CES5A: variants seen among roughly 807,000 people sequenced by gnomAD.
The protein encoded by CES5A is carboxylesterase 5A, also known as carboxylesterase 5.
CES5A carries 67 observed loss-of-function variants against 62.9 expected under a neutral mutation model. The observed-to-expected ratio is 1.07, with a 90% CI of 0.88 to 1.31. The LOEUF (loss-of-function observed/expected upper bound fraction) is 1.31. CES5A is among the 50% of genes most tolerant of loss of function. CES5A has a pLI of 0.00. For synonymous variants in CES5A, 296 were observed against 280.8 expected, an observed-to-expected ratio of 1.05 and a Z score of -0.54; for missense variants, 748 against 708.5, an observed-to-expected ratio of 1.06 and a Z score of -0.63.
chr16:55,943,899 T>G, intron 2 of CES5A: 1 of 610,826 alleles, frequency 1.6e-6, no homozygotes, highest in South Asian at 1.9e-5. Context: ...AAGCTTTAAC[T>G]GAGTATCCAG....
chr16:55,939,199 T>C (rs2034420776), intron 2 of CES5A, among the ~76,000 whole-genome samples: 1 of 152,128 alleles, frequency 6.6e-6, no homozygotes, highest in South Asian at 2.1e-4. Context: ...CACAAAAGTA[T>C]CAGAAATGAC....
chr16:55,924,848 C>T (rs749770859), intron 1 of CES5A, among the ~76,000 whole-genome samples: 1 of 152,034 alleles, frequency 6.6e-6, no homozygotes, highest in Non-Finnish European at 1.5e-5. Context: ...CTATCTCTTA[C>T]CATACACAAA....
chr16:55,898,562 G>A (rs1196574627), intron 1 of CES5A, among the ~76,000 whole-genome samples: 1 of 152,134 alleles, frequency 6.6e-6, no homozygotes, highest in African/African-American at 2.4e-5. Flanking sequence ...AAATATCTGT[G>A]GAATGAATGA....
At position 55,853,031 on chromosome 16, in the gene CES5A, G is replaced by A; in HGVS notation, c.1126-3C>T. 1 of 1,613,990 alleles carries A rather than the reference G, an allele frequency of 6.2e-7. No homozygotes were observed. The highest frequency in any genetic ancestry group is 8.5e-7 in the Non-Finnish European group (1 of 1,179,918). On this transcript the variant is annotated splice_region_variant and splice_polypyrimidine_tract_variant and intron_variant, in intron 9 of 12. Coordinates refer to ENST00000290567, the MANE Select transcript of CES5A (RefSeq NM_001143685.2). ...TGCAAATACTGAGGCGGGATGTGCTGTAAAAATATCGTAGTCCTAGGAGAT... is the reference window on the plus strand; with the variant it reads ...TGCAAATACTGAGGCGGGATGTGCTATAAAAATATCGTAGTCCTAGGAGAT...
At chr16:55,903,107 C>T (rs778846954) in intron 1 of CES5A, among the ~76,000 whole-genome samples, 2 of 150,908 alleles carry the variant, frequency 1.3e-5, no homozygotes, top group Non-Finnish European at 2.9e-5. Flanking sequence ...GACCAGGACT[C>T]GTTAGTCTAA....
intron 1 of CES5A, among the ~76,000 whole-genome samples, chr16:55,898,340 G>C (rs2033955060): frequency 6.6e-6 from 1 of 151,954 alleles, no homozygotes; most frequent in South Asian, 2.1e-4. Context: ...ATAGGAGTTT[G>C]AGTGATTTTT....
chr16:55,940,052 T>C (rs1597159009), intron 2 of CES5A, among the ~76,000 whole-genome samples: 1 of 151,468 alleles, frequency 6.6e-6, no homozygotes, highest in East Asian at 1.9e-4. Context: ...TAGTATTGGT[T>C]AAAAAAGAAA....
intron 1 of CES5A, among the ~76,000 whole-genome samples, chr16:55,906,646 G>T (rs1285823035): frequency 6.6e-6 from 1 of 152,228 alleles, no homozygotes; most frequent in Non-Finnish European, 1.5e-5. Context: ...GATGTGCTGG[G>T]TACCAGAATT....
At chr16:55,851,847 TAGTC>T (rs1182378147) in intron 10 of CES5A, among the ~76,000 whole-genome samples, 2 of 152,208 alleles carry the variant, frequency 1.3e-5, no homozygotes, top group Non-Finnish European at 2.9e-5. Context: ...AATGGAACAT[TAGTC>T]AGCCTTAAAA....
intron 3 of CES5A, among the ~76,000 whole-genome samples, chr16:55,871,342 G>A (rs775814998): frequency 7.9e-5 from 12 of 152,188 alleles, no homozygotes; most frequent in Admixed American, 6.5e-5. Context: ...TTCCTTTTAA[G>A]CAGTGTCTTT....
intron 1 of CES5A, chr16:55,955,833 C>T: frequency 1.3e-6 from 2 of 1,535,966 alleles, no homozygotes; most frequent in Non-Finnish European, 1.7e-6. Context: ...CACCCTGTGG[C>T]TAATACTCAC....
intron 1 of CES5A, among the ~76,000 whole-genome samples, chr16:55,953,931 T>C (rs2034582808): frequency 6.6e-6 from 1 of 152,190 alleles, no homozygotes. Flanking sequence ...AAATACACAA[T>C]AAATTACTGT....
At chr16:55,855,162 G>T (rs1283893657) in intron 9 of CES5A, among the ~76,000 whole-genome samples, 14 of 152,206 alleles carry the variant, frequency 9.2e-5, no homozygotes, top group Non-Finnish European at 1.9e-4. Context: ...GAAGTGTCTT[G>T]TCATCTCTGT....
At chr16:55,910,183 T>C (rs72810534) in intron 1 of CES5A, among the ~76,000 whole-genome samples, 25,109 of 152,148 alleles carry the variant, frequency 0.17, 2,155 homozygotes, top group Non-Finnish European at 0.18. Flanking sequence ...AGGTCACTCC[T>C]AGCTAAGAGG....
chr16:55,869,286 T>G (rs529947326), intron 4 of CES5A, among the ~76,000 whole-genome samples: 1 of 152,030 alleles, frequency 6.6e-6, no homozygotes, highest in Non-Finnish European at 1.5e-5. Context: ...ACCCACCAAA[T>G]GCAGAAGATC....
At chr16:55,913,536 T>C (rs574893445) in intron 1 of CES5A, among the ~76,000 whole-genome samples, 2 of 152,318 alleles carry the variant, frequency 1.3e-5, no homozygotes, top group South Asian at 4.1e-4. Context: ...AGGGCTATTA[T>C]CTATTTTGTT....
chr16:55,871,425 C>A (rs1411221576), intron 3 of CES5A, among the ~76,000 whole-genome samples, 200 bp downstream of exon 3: 1 of 152,186 alleles, frequency 6.6e-6, no homozygotes. Context: ...AAAGTTAAGG[C>A]ACTGCCAATA....
intron 11 of CES5A, among the ~76,000 whole-genome samples, chr16:55,847,985 C>T (rs2033050132): frequency 6.6e-6 from 1 of 152,182 alleles, no homozygotes. Flanking sequence ...TCATAGCTCA[C>T]CGCAGCTTCC....
Position 55,875,343 on chromosome 16 carries a change from C to G in CES5A, c.-122G>C. 6.7e-7 allele frequency: 1 copy of G among 1,492,884 alleles called. No homozygotes were observed. Among genetic ancestry groups the G allele is most frequent in the South Asian group, 1.4e-5 (1 of 72,076 alleles). The allele number at this position is 1,492,884 out of a possible 1,614,324, so 92.5% of individuals were successfully genotyped here. A position where few individuals can be genotyped will look rare whatever the true frequency, so the allele number is the denominator to read the frequency against. On this transcript the variant is annotated 5_prime_UTR_variant, in exon 1 of 13. Transcript: ENST00000290567. ...ATGCTGAATAGGCAGGCAGAGGCAG[C>G]AGAGTTACTGAAGATCAGCATCAGA...
Sources: gnomAD v4.1 joint callset for allele counts (sites outside exome capture counted in the v4.1 genomes callset) on GRCh38, gnomAD v4.1.1 for gene constraint, MANE v1.5 for transcripts, NCBI Gene and HGNC (gene_info 2026-07-23, HGNC 2026-07-21) for gene names.